The following GOPC variants were observed in gnomAD, a reference collection of about 807,000 sequenced individuals.
The protein encoded by GOPC is Golgi-associated PDZ and coiled-coil motif-containing protein.
A neutral mutation model predicts 51.2 loss-of-function variants in GOPC; 32 were observed. That is an observed-to-expected ratio of 0.63 (90% CI 0.47 to 0.84). GOPC has a LOEUF of 0.84. Ranked by LOEUF, GOPC falls within the 40% of genes least tolerant of loss-of-function variation. The pLI, the probability that GOPC is intolerant of heterozygous loss-of-function variation, is 0.00. For missense variants in GOPC, 441 were observed against 555.5 expected (o/e 0.79, Z 2.07); for synonymous variants, 190 against 205.1 (o/e 0.93, Z 0.63).
chr6:117,584,409 T>C lies in GOPC; in HGVS notation c.286-5345A>G, dbSNP rs75723609. Among the ~76,000 whole-genome samples, 391 of 152,322 alleles carry C rather than the reference T, an allele frequency of 2.6e-3. 3 individuals carry two copies. Among genetic ancestry groups the C allele is most frequent in the African/African-American group, 9.1e-3 (378 of 41,586 alleles). The stretch of plus-strand genomic sequence containing the variant: ...GAACTTCTGACTGAATGGCTTCAAG[T>C]TGGGGTTCCCACATTTCCCTTTTTA... On this transcript the variant is annotated intron_variant, in intron 1 of 8. Transcript: ENST00000368498.
chr6:117,596,304 C>T (rs954985923), intron 1 of GOPC, among the ~76,000 whole-genome samples: 28 of 151,960 alleles, frequency 1.8e-4, no homozygotes, highest in African/African-American at 5.1e-4. Flanking sequence ...AGTCCTTTGT[C>T]GGATGTACAG....
At chr6:117,598,552 T>C (rs1771924765) in intron 1 of GOPC, among the ~76,000 whole-genome samples, 1 of 152,012 alleles carries the variant, frequency 6.6e-6, no homozygotes, top group African/African-American at 2.4e-5. Flanking sequence ...GTGGGGATGG[T>C]TTCAACAAAA....
Position 117,569,746 on chromosome 6 carries a change from A to G in GOPC, c.913-10T>C. The G allele has an allele frequency of 6.4e-7, 1 of 1,568,930 alleles. No individual in the cohort carries two copies. Among genetic ancestry groups the G allele is most frequent in the Non-Finnish European group, 8.6e-7 (1 of 1,162,850 alleles). ...CATGTTCTTTCCCACCCTAACAACA[A>G]CAAAGGGCAGTAAATTAAAGTACTC... On this transcript the variant is annotated splice_polypyrimidine_tract_variant and intron_variant, in intron 6 of 8. Transcript: ENST00000368498.
At position 117,602,208 on chromosome 6, in the gene GOPC, C is replaced by T; in HGVS notation, c.81G>A (p.Gly27=). Residue 27 remains glycine, a synonymous_variant, in exon 1 of 9, where the codon GGG becomes GGA. Transcript: ENST00000368498. ...CCTCCAGCCACCGGAACATGGATAC[C>T]CCGCCAGGGGCCCCCACGGAGCAGG... ...GASCSVGAPG[G]VSMFRWLEVL... is the part of the protein sequence containing the mutation. The T allele has an allele frequency of 1.2e-6, 2 of 1,609,266 alleles. No individual in the cohort carries two copies. Among genetic ancestry groups the T allele is most frequent in the Non-Finnish European group, 1.7e-6 (2 of 1,179,982 alleles).
intron 3 of GOPC, among the ~76,000 whole-genome samples, chr6:117,576,925 A>T (rs1220133535): frequency 6.6e-6 from 1 of 152,118 alleles, no homozygotes; most frequent in East Asian, 1.9e-4. Flanking sequence ...GAAAAATATT[A>T]AAAATGTATT....
At chr6:117,595,450 ATAAGT>A (rs1282204036) in intron 1 of GOPC, among the ~76,000 whole-genome samples, 1 of 152,074 alleles carries the variant, frequency 6.6e-6, no homozygotes, top group Non-Finnish European at 1.5e-5. Flanking sequence ...GGTTATGTGA[ATAAGT>A]TATTTAGTGG....
rs1779595296 is a variant in GOPC at position 117,562,088 on chromosome 6, C to G, written c.*1166G>C. ...TGTTGTGACTTTGCCTAGCAGGTTA[C>G]AATGACCTGCAGAATATTAAATCAG... On this transcript the variant is annotated 3_prime_UTR_variant, in exon 9 of 9. Transcript: ENST00000368498. 1 of 205,594 alleles carries G rather than the reference C, an allele frequency of 4.9e-6. No homozygotes were observed. The highest frequency in any genetic ancestry group is 9.9e-6 in the Non-Finnish European group (1 of 100,626). 12.7% of individuals were successfully genotyped at this position (205,594 alleles called of 1,614,324 possible).
rs1240462979 is a variant in GOPC, at chr6:117,561,927, A to G, written c.*1327T>C. On this transcript the variant is annotated 3_prime_UTR_variant, in exon 9 of 9. Coordinates refer to ENST00000368498, the MANE Select transcript of GOPC (RefSeq NM_020399.4). ...AGCCAAAAAAAATGTGTTTTATCAC[A>G]TAACATCTGAATACCAGAAATGAAG... is the stretch of plus-strand genomic sequence containing the variant. 2 of 208,298 alleles carry G rather than the reference A, an allele frequency of 9.6e-6. No homozygotes were observed. Among genetic ancestry groups the G allele is most frequent in the African/African-American group, 4.5e-5 (2 of 44,004 alleles). 12.9% of individuals were successfully genotyped at this position (208,298 alleles called of 1,614,324 possible).
chr6:117,562,786 C>A lies in GOPC; in HGVS notation c.*468G>T. 4.8e-6 allele frequency: 1 copy of A among 209,378 alleles called. No individual in the cohort carries two copies. Among genetic ancestry groups the A allele is most frequent in the South Asian group, 1.9e-4 (1 of 5,310 alleles). The allele number at this position is 209,378 out of a possible 1,614,324, so 13.0% of individuals were successfully genotyped here. On this transcript the variant is annotated 3_prime_UTR_variant, in exon 9 of 9. Transcript: ENST00000368498. ...TTTCAGTTACAAAAATTAAGTCAAG[C>A]CTATATTTCTACAATTCATTGAGTC...
chr6:117,586,475 C>CTTTTTTTTTTTTTTT (rs869148559), intron 1 of GOPC, among the ~76,000 whole-genome samples: 1 of 91,930 alleles, frequency 1.1e-5, no homozygotes, highest in Admixed American at 1.2e-4. Flanking sequence ...CACAGAGATT[C>CTTTTTTTTTTTTTTT]TTTTTTTTTT....
intron 1 of GOPC, among the ~76,000 whole-genome samples, chr6:117,585,588 G>A (rs1019065486): frequency 6.6e-6 from 1 of 152,152 alleles, no homozygotes; most frequent in Non-Finnish European, 1.5e-5. Context: ...AAATTGCATG[G>A]TATTAAAACT....
At chr6:117,566,825 TTAA>T (rs910474521) in intron 8 of GOPC, 26 bp downstream of exon 8, 2 of 1,397,368 alleles carry the variant, frequency 1.4e-6, no homozygotes, top group South Asian at 1.5e-5. Flanking sequence ...AATGAATATG[TTAA>T]TAATAATTTT....
intron 5 of GOPC, among the ~76,000 whole-genome samples, chr6:117,572,367 T>C (rs75154996): frequency 0.019 from 2,956 of 152,262 alleles, 81 homozygotes; most frequent in African/African-American, 0.067. Context: ...CCACTTCTCC[T>C]GACCTCATCA....
intron 1 of GOPC, among the ~76,000 whole-genome samples, chr6:117,598,515 T>C (rs1031213893): frequency 1.3e-5 from 2 of 152,218 alleles, no homozygotes. Context: ...ACTGGTTTTG[T>C]GGAAGACAAT....
chr6:117,578,258 TG>T (rs1416169740), intron 2 of GOPC, among the ~76,000 whole-genome samples: 1 of 152,146 alleles, frequency 6.6e-6, no homozygotes, highest in Non-Finnish European at 1.5e-5. Context: ...GACATGCAGC[TG>T]GGGATGGTCA....
At chr6:117,570,113 GA>G (rs1323669452) in intron 6 of GOPC, among the ~76,000 whole-genome samples, 1 of 151,736 alleles carries the variant, frequency 6.6e-6, no homozygotes, top group Non-Finnish European at 1.5e-5. Context: ...ATGTAGAATT[GA>G]AAAAATGCAG....
In GOPC at chr6:117,598,734, T is replaced by C. The variant is rs576583319; in HGVS notation, c.285+3270A>G. Among the ~76,000 whole-genome samples, 4 of 152,306 alleles carry C rather than the reference T, an allele frequency of 2.6e-5. No homozygotes were observed. In the South Asian group the frequency reaches 8.3e-4, roughly 32 times the overall value. ...GCTCTCTTGCCCACTGCTCACCTCC[T>C]GCTGTTCAGCCAGTTCCTAAGAAGC... On this transcript the variant is annotated intron_variant, in intron 1 of 8. Coordinates refer to ENST00000368498, the MANE Select transcript of GOPC (RefSeq NM_020399.4).
Position 117,583,277 on chromosome 6 carries a change from G to A in GOPC, c.286-4213C>T, listed in dbSNP as rs151129847. On this transcript the variant is annotated intron_variant, in intron 1 of 8. Transcript: ENST00000368498. ...GCTGAGTAAACAGGGCACCCCTGTC[G>A]TGAGTACCATGAAGGTGTCAAGAAA... Among the ~76,000 whole-genome samples, 991 of 152,326 alleles carry A rather than the reference G, an allele frequency of 6.5e-3. 11 individuals are homozygous for A. The highest frequency in any genetic ancestry group is 0.022 in the African/African-American group (930 of 41,578).
intron 1 of GOPC, among the ~76,000 whole-genome samples, chr6:117,596,491 C>T (rs1272770013): frequency 6.6e-6 from 1 of 152,068 alleles, no homozygotes; most frequent in African/African-American, 2.4e-5. Context: ...AAGGGTTTTT[C>T]CAATGTTATC....
Sources: allele counts gnomAD v4.1 joint callset (sites outside exome capture counted in the v4.1 genomes callset), GRCh38; gene constraint gnomAD v4.1.1; transcripts MANE v1.5; gene names NCBI Gene and HGNC (gene_info 2026-07-23, HGNC 2026-07-21).